The following PCDHA1 variants were observed in gnomAD, a reference collection of about 807,000 sequenced individuals.
PCDHA1 encodes protocadherin alpha-1.
In PCDHA1, 42 loss-of-function variants were observed where a neutral mutation model predicts 61.3. The observed-to-expected ratio is 0.69, with a 90% CI of 0.54 to 0.89. The LOEUF (loss-of-function observed/expected upper bound fraction) is 0.89. PCDHA1 is among the 40% of genes least tolerant of loss of function. The pLI is 0.00. For synonymous variants in PCDHA1, 610 were observed against 553.8 expected (o/e 1.10, Z -1.43); for missense variants, 1,256 against 1,235.3 (o/e 1.02, Z -0.25).
Position 140,787,815 on chromosome 5 carries a change from T to A in PCDHA1, c.1525T>A (p.Ser509Thr). Reference protein sequence around the residue: ...VGERALSNYVSVHAESGKVYA... With the variant: ...VGERALSNYVTVHAESGKVYA... ...CGAGCGCGCGCTGTCGAACTACGTG[T>A]CAGTGCACGCGGAGAGCGGCAAGGT... Residue 509 changes from serine to threonine, a missense_variant, in exon 1 of 4, where the codon TCA (serine) becomes ACA (threonine). Coordinates refer to ENST00000504120, the MANE Select transcript of PCDHA1 (RefSeq NM_018900.4). The A allele has an allele frequency of 6.2e-7, 1 of 1,612,510 alleles. No homozygotes were observed. Among genetic ancestry groups the A allele is most frequent in the Non-Finnish European group, 8.5e-7 (1 of 1,179,754 alleles).
chr5:140,874,505 T>C (rs550206385), intron 1 of PCDHA1, among the ~76,000 whole-genome samples: 1 of 152,366 alleles, frequency 6.6e-6, no homozygotes, highest in African/African-American at 2.4e-5. Context: ...GTTCACATTC[T>C]CTTGACTTTA....
chr5:140,890,879 A>C (rs1448155644), intron 1 of PCDHA1, among the ~76,000 whole-genome samples: 2 of 152,112 alleles, frequency 1.3e-5, no homozygotes, highest in Non-Finnish European at 2.9e-5. Flanking sequence ...CTGACCTTTC[A>C]TCAGGGATTA....
At chr5:140,946,456 G>A (rs1554217589) in intron 1 of PCDHA1, among the ~76,000 whole-genome samples, 1 of 151,574 alleles carries the variant, frequency 6.6e-6, no homozygotes, top group African/African-American at 2.4e-5. Flanking sequence ...CAACTATCCA[G>A]CAATCCCACT....
chr5:140,815,952 G>A (rs1046719441), intron 1 of PCDHA1: 1 of 152,178 alleles, frequency 6.6e-6, no homozygotes, highest in Non-Finnish European at 1.5e-5. Context: ...TACTGGTAGA[G>A]TTAGGGGTGT....
At chr5:140,841,679 G>A (rs1554138418) in intron 1 of PCDHA1, 3 of 1,613,866 alleles carry the variant, frequency 1.9e-6, no homozygotes, top group South Asian at 1.1e-5. Context: ...TTTCCATGTG[G>A]ACGTGGAGGT....
intron 3 of PCDHA1, among the ~76,000 whole-genome samples, chr5:141,008,458 C>T (rs1234894606): frequency 3.9e-5 from 6 of 152,252 alleles, no homozygotes; most frequent in Middle Eastern, 3.4e-3. Context: ...CCTTCCTCTC[C>T]AGCTCTGACT....
chr5:140,841,575 T>C (rs1220947138), intron 1 of PCDHA1: 1 of 1,613,812 alleles, frequency 6.2e-7, no homozygotes, highest in Non-Finnish European at 8.5e-7. Flanking sequence ...GGCATTTTGT[T>C]TGTGAATTCT....
chr5:140,968,979 G>A (rs782482075), intron 1 of PCDHA1: 6 of 1,614,042 alleles, frequency 3.7e-6, no homozygotes, highest in South Asian at 3.3e-5. Context: ...ACTGCGTATG[G>A]CACTGCATGC....
intron 1 of PCDHA1, chr5:140,843,511 C>T: frequency 6.3e-7 from 1 of 1,595,668 alleles, no homozygotes; most frequent in Non-Finnish European, 8.6e-7. Context: ...CCACTGAGGG[C>T]GGGTGCCGGG....
At chr5:140,880,420 A>C (rs1554171279) in intron 1 of PCDHA1, among the ~76,000 whole-genome samples, 2 of 152,230 alleles carry the variant, frequency 1.3e-5, no homozygotes, top group Non-Finnish European at 2.9e-5. Context: ...TAAAAGCGGG[A>C]ACAGTTTTTC....
intron 1 of PCDHA1, among the ~76,000 whole-genome samples, chr5:140,971,869 A>G (rs1277835883): frequency 1.3e-5 from 2 of 152,182 alleles, no homozygotes; most frequent in Non-Finnish European, 2.9e-5. Flanking sequence ...AACATCTAGC[A>G]TATGAGGAAA....
chr5:140,876,815 T>G (rs782365798), intron 1 of PCDHA1: 1 of 1,614,148 alleles, frequency 6.2e-7, no homozygotes, highest in South Asian at 1.1e-5. Flanking sequence ...GTGGCCGACG[T>G]GAACGACAAT....
At chr5:140,938,827 C>T (rs905501922) in intron 1 of PCDHA1, among the ~76,000 whole-genome samples, 4 of 151,880 alleles carry the variant, frequency 2.6e-5, no homozygotes, top group Non-Finnish European at 4.4e-5. Context: ...CATGAGTTTG[C>T]GTTATAACAA....
intron 1 of PCDHA1, chr5:140,805,324 TTGATG>T: frequency 8.0e-7 from 1 of 1,257,674 alleles, no homozygotes; most frequent in East Asian, 3.6e-5. Context: ...TCCAATGTGC[TTGATG>T]TCAATGATCA....
At chr5:140,927,899 A>G (rs1554205221) in intron 1 of PCDHA1, 2 of 1,614,194 alleles carry the variant, frequency 1.2e-6, no homozygotes, top group Admixed American at 1.7e-5. Context: ...GTGAACGATC[A>G]TGCCCCCGAA....
chr5:140,829,006 G>A (rs1461525244), intron 1 of PCDHA1: 2 of 1,613,752 alleles, frequency 1.2e-6, no homozygotes, highest in African/African-American at 1.3e-5. Context: ...TAGTGATTCG[G>A]GGTAATTTGG....
At chr5:140,801,910 A>G (rs377749394) in intron 1 of PCDHA1, 78 of 1,614,048 alleles carry the variant, frequency 4.8e-5, no homozygotes, top group Middle Eastern at 1.6e-4. Flanking sequence ...GTAAACGACA[A>G]CGCCCCAGCG....
chr5:140,969,385 C>T, intron 1 of PCDHA1: 1 of 1,598,120 alleles, frequency 6.3e-7, no homozygotes, highest in Non-Finnish European at 8.5e-7. Flanking sequence ...TTACACATCC[C>T]CCAATATCCT....
intron 1 of PCDHA1, chr5:140,796,183 T>C (rs533756721): frequency 1.2e-6 from 2 of 1,614,212 alleles, no homozygotes; most frequent in African/African-American, 2.7e-5. Flanking sequence ...TTACTACTCG[T>C]TGGTGCTGGA....
Sources: gnomAD v4.1 joint callset for allele counts (sites outside exome capture counted in the v4.1 genomes callset) on GRCh38, gnomAD v4.1.1 for gene constraint, MANE v1.5 for transcripts, NCBI Gene and HGNC (gene_info 2026-07-23, HGNC 2026-07-21) for gene names.